Variants in PPFIBP1 observed in about 807,000 individuals in gnomAD.
PPFIBP1 encodes PPFIB scaffold protein 1.
In PPFIBP1, 112 loss-of-function variants were observed where a neutral mutation model predicts 137.8. The observed-to-expected ratio is 0.81, with a 90% confidence interval of 0.70 to 0.95. PPFIBP1 has a LOEUF of 0.95. Among genes scored for constraint, PPFIBP1 ranks in the 40% least tolerant of loss-of-function variants. The pLI, the probability that PPFIBP1 is intolerant of heterozygous loss-of-function variation, is 0.00. For synonymous variants in PPFIBP1, 378 were observed against 417.3 expected, an observed-to-expected ratio of 0.91 and a Z score of 1.15; for missense variants, 1,083 against 1,196.6, an observed-to-expected ratio of 0.91 and a Z score of 1.40.
chr12:27,552,199 T>A (rs151087397), intron 1 of PPFIBP1, among the ~76,000 whole-genome samples: 53 of 152,340 alleles, frequency 3.5e-4, no homozygotes, highest in Non-Finnish European at 6.5e-4. Context: ...TGAATTGAAA[T>A]GGGTGTTATA....
chr12:27,572,901 T>C (rs1372955703), intron 1 of PPFIBP1, among the ~76,000 whole-genome samples: 1 of 152,232 alleles, frequency 6.6e-6, no homozygotes, highest in Non-Finnish European at 1.5e-5. Context: ...ATCACTTTCT[T>C]GTACCACTTG....
At chr12:27,580,021 A>C (rs2050939676) in intron 2 of PPFIBP1, among the ~76,000 whole-genome samples, 2 of 152,128 alleles carry the variant, frequency 1.3e-5, no homozygotes, top group African/African-American at 4.8e-5. Context: ...GATCCAGAAA[A>C]GAGATGTGTC....
Position 27,541,168 on chromosome 12 carries a change from G to T in PPFIBP1, c.-124+16803G>T, listed in dbSNP as rs76703100. Among the ~76,000 whole-genome samples the T allele has an allele frequency of 2.2e-3, 334 of 152,048 alleles. 1 individual carries two copies. Among genetic ancestry groups the T allele is most frequent in the Middle Eastern group, 0.014 (4 of 294 alleles). ...ATATCCCAAAGTAGGGTATCACAGGGTTTCCTGATGAGGATAAATGGGCCT... is the reference window on the plus strand; with the variant it reads ...ATATCCCAAAGTAGGGTATCACAGGTTTTCCTGATGAGGATAAATGGGCCT... On this transcript the variant is annotated intron_variant, in intron 1 of 29. Transcript: ENST00000228425.
At chr12:27,640,246 A>G (rs1352574652) in intron 4 of PPFIBP1, among the ~76,000 whole-genome samples, 1 of 152,222 alleles carries the variant, frequency 6.6e-6, no homozygotes, top group South Asian at 2.1e-4. Context: ...CTGAAGGGAA[A>G]GAGGTTTCCC....
chr12:27,674,702 A>G (rs1162008892), intron 17 of PPFIBP1, among the ~76,000 whole-genome samples: 1 of 152,054 alleles, frequency 6.6e-6, no homozygotes, highest in Non-Finnish European at 1.5e-5. Context: ...ACCTCCCCAA[A>G]AGCCCTTCTT....
chr12:27,663,416 G>T (rs182831001), intron 11 of PPFIBP1, among the ~76,000 whole-genome samples: 1 of 152,262 alleles, frequency 6.6e-6, no homozygotes, highest in Admixed American at 6.5e-5. Flanking sequence ...GATAATGGGG[G>T]TTATGGAAGT....
In PPFIBP1 at chr12:27,671,476, G is replaced by A; in HGVS notation, c.1192G>A (p.Ala398Thr). The A allele has an allele frequency of 6.2e-7, 1 of 1,600,928 alleles. No homozygotes were observed. The highest frequency in any genetic ancestry group is 1.1e-5 in the South Asian group (1 of 88,724). The stretch of plus-strand genomic sequence containing the variant: ...AGTTTCCATCCCTTCATTATTGCCA[G>A]CAACTGTAAGCATGGAAACTTCTGA... ...LQVSIPSLLPATVSMETSEKS... is the reference protein window; with the variant it reads ...LQVSIPSLLPTTVSMETSEKS... The change falls in exon 14 of 30, where the codon GCA (alanine) becomes ACA (threonine). Residue 398 changes from alanine (A) to threonine (T), a missense_variant. Ala to Thr is a moderately conservative substitution (Grantham distance 58). Transcript: ENST00000228425.
chr12:27,550,607 CTT>C (rs1187278276), intron 1 of PPFIBP1, among the ~76,000 whole-genome samples: 15 of 152,126 alleles, frequency 9.9e-5, no homozygotes, highest in Non-Finnish European at 1.9e-4. Flanking sequence ...GATTAAATAA[CTT>C]GCCCGAGATC....
intron 2 of PPFIBP1, among the ~76,000 whole-genome samples, chr12:27,620,069 C>T (rs912872561): frequency 2.6e-5 from 4 of 151,580 alleles, no homozygotes; most frequent in East Asian, 1.9e-4. Flanking sequence ...CACCCTGACC[C>T]GAGCCACCAA....
chr12:27,667,894 G>A (rs191380509), intron 13 of PPFIBP1, among the ~76,000 whole-genome samples: 2 of 152,184 alleles, frequency 1.3e-5, no homozygotes, highest in Admixed American at 6.5e-5. Context: ...ATTCCAAGAG[G>A]CCCGGGCAAC....
intron 1 of PPFIBP1, among the ~76,000 whole-genome samples, chr12:27,552,346 C>A (rs2136218434): frequency 6.6e-6 from 1 of 152,276 alleles, no homozygotes; most frequent in Non-Finnish European, 1.5e-5. Flanking sequence ...GTCAAGAAAC[C>A]TTTTGGCTGC....
chr12:27,638,517 T>C (rs1383435040), intron 4 of PPFIBP1, among the ~76,000 whole-genome samples: 1 of 152,108 alleles, frequency 6.6e-6, no homozygotes, highest in Non-Finnish European at 1.5e-5. Context: ...GTCTGTAAAA[T>C]GGGGATGATG....
chr12:27,536,110 C>G (rs1944968738), intron 1 of PPFIBP1, among the ~76,000 whole-genome samples: 1 of 152,206 alleles, frequency 6.6e-6, no homozygotes, highest in Non-Finnish European at 1.5e-5. Context: ...TCAGCACCCA[C>G]CTGCCTGCTT....
At chr12:27,690,570 G>C (rs765605159) in intron 27 of PPFIBP1, among the ~76,000 whole-genome samples, 4 of 152,166 alleles carry the variant, frequency 2.6e-5, no homozygotes, top group Non-Finnish European at 5.9e-5. Flanking sequence ...CTATGAGCAT[G>C]CTACTGCACT....
chr12:27,555,687 C>G (rs1310089405), intron 1 of PPFIBP1, among the ~76,000 whole-genome samples: 1 of 152,168 alleles, frequency 6.6e-6, no homozygotes, highest in Non-Finnish European at 1.5e-5. Context: ...GACAGATGAT[C>G]AGAATTAAAT....
At chr12:27,584,278 G>T (rs1416585928) in intron 2 of PPFIBP1, 1 of 152,310 alleles carries the variant, frequency 6.6e-6, no homozygotes, top group African/African-American at 2.4e-5. Context: ...CTTCCACACT[G>T]TGCTTGGAGC....
intron 2 of PPFIBP1, among the ~76,000 whole-genome samples, chr12:27,612,925 CACA>C (rs1186166191): frequency 2.0e-5 from 2 of 97,700 alleles, no homozygotes; most frequent in African/African-American, 6.7e-5. Context: ...TTAGATAATA[CACA>C]TCATCATCAT....
intron 7 of PPFIBP1, among the ~76,000 whole-genome samples, chr12:27,652,750 A>G (rs965849977): frequency 5.9e-5 from 9 of 152,344 alleles, no homozygotes; most frequent in Admixed American, 2.0e-4. Context: ...ATAAGAATTC[A>G]ATGGTATTTC....
intron 2 of PPFIBP1, among the ~76,000 whole-genome samples, chr12:27,625,445 TAAG>T (rs1281828878): frequency 2.0e-5 from 3 of 152,036 alleles, no homozygotes; most frequent in Non-Finnish European, 4.4e-5. Context: ...CTCTAAAAAA[TAAG>T]GACTCAAAAA....
Sources: allele counts gnomAD v4.1 joint callset (sites outside exome capture counted in the v4.1 genomes callset), GRCh38; gene constraint gnomAD v4.1.1; transcripts MANE v1.5; gene names NCBI Gene and HGNC (gene_info 2026-07-23, HGNC 2026-07-21).